ABCB5: variants seen among roughly 807,000 people sequenced by gnomAD.
The protein encoded by ABCB5 is ATP binding cassette subfamily B member 5, also known as ATP-binding cassette sub-family B member 5.
ABCB5 carries 155 observed loss-of-function variants against 144.2 expected under a neutral mutation model. The ratio of observed to expected loss-of-function variants is 1.08; its 90% CI spans 0.94 to 1.23. The LOEUF is 1.23. Ranked by LOEUF, ABCB5 falls within the 50% of genes most tolerant of loss-of-function variation. The pLI, the probability that ABCB5 is intolerant of heterozygous loss-of-function variation, is 0.00. For missense variants in ABCB5, 1,830 were observed against 1,520.8 expected (o/e 1.20, Z -3.38); for synonymous variants, 610 against 528.6 (o/e 1.15, Z -2.11).
intron 14 of ABCB5, chr7:20,666,921 C>T: frequency 1.6e-6 from 2 of 1,243,416 alleles, no homozygotes; most frequent in Non-Finnish European, 2.1e-6. Flanking sequence ...TTTTAGCAGG[C>T]TTTGGCTGCC....
At chr7:20,643,125 G>T (rs777940445) in intron 5 of ABCB5, 59 bp from the exon 6 acceptor site, 16 of 1,403,226 alleles carry the variant, frequency 1.1e-5, no homozygotes, top group Non-Finnish European at 1.6e-5. Flanking sequence ...GATTTTTTAT[G>T]TGTGTAACAA....
intron 4 of ABCB5, 75 bp downstream of exon 4, chr7:20,628,913 C>G: frequency 6.7e-7 from 1 of 1,484,756 alleles, no homozygotes; most frequent in Non-Finnish European, 9.2e-7. Context: ...GTTAAGCTAG[C>G]AAGGCAGATT....
At chr7:20,720,555 T>TA (rs1251299096) in intron 20 of ABCB5, among the ~76,000 whole-genome samples, 1 of 107,966 alleles carries the variant, frequency 9.3e-6, no homozygotes, top group Non-Finnish European at 2.0e-5. Flanking sequence ...AATTTGAATC[T>TA]AATTGTGAGG....
At chr7:20,729,954 G>A (rs776105740) in intron 23 of ABCB5, among the ~76,000 whole-genome samples, 1 of 152,152 alleles carries the variant, frequency 6.6e-6, no homozygotes. Context: ...TTGAGGAAAT[G>A]GCCAAAAGAC....
At chr7:20,697,135 T>C (rs967626405) in intron 16 of ABCB5, among the ~76,000 whole-genome samples, 1 of 152,204 alleles carries the variant, frequency 6.6e-6, no homozygotes, top group Non-Finnish European at 1.5e-5. Flanking sequence ...TTTTTGATGA[T>C]GAGCTTTAGA....
chr7:20,727,083 TAAC>T lies in ABCB5; in HGVS notation c.2672_2674del (p.Thr891del). The T allele has an allele frequency of 6.2e-7, 1 of 1,613,736 alleles. No homozygotes were observed. The highest frequency in any genetic ancestry group is 8.5e-7 in the Non-Finnish European group (1 of 1,179,792). ...GAGAATATACGTACTATAGTGTCAT[TAAC>T]AAGGGAAAAAGCCTTCGAGCAAATG... On this transcript the variant is annotated inframe_deletion, in exon 22 of 28. Transcript: ENST00000404938.
At chr7:20,619,689 C>T (rs925204739) in intron 1 of ABCB5, among the ~76,000 whole-genome samples, 9 of 152,104 alleles carry the variant, frequency 5.9e-5, no homozygotes, top group African/African-American at 2.2e-4. Context: ...TTACTTAGGT[C>T]CCATCTGCCA....
At chr7:20,726,957 G>T in intron 21 of ABCB5, 83 bp from the exon 22 acceptor site, 1 of 884,250 alleles carries the variant, frequency 1.1e-6, no homozygotes, top group East Asian at 2.7e-5. Context: ...TATGTCCCCA[G>T]TGTGAGTGAC....
At chr7:20,681,438 C>T (rs1785823729) in intron 14 of ABCB5, 67 bp from the exon 15 acceptor site, 14 of 1,548,278 alleles carry the variant, frequency 9.0e-6, no homozygotes, top group Non-Finnish European at 1.2e-5. Context: ...ACAAAGATTT[C>T]TTAAACAGTG....
intron 5 of ABCB5, among the ~76,000 whole-genome samples, chr7:20,632,331 G>A (rs1259178406): frequency 4.6e-5 from 7 of 152,064 alleles, no homozygotes; most frequent in African/African-American, 1.7e-4. Flanking sequence ...TTGAGTTGTA[G>A]TTGACAGAGT....
At position 20,693,069 on chromosome 7, in the gene ABCB5, GTCT is replaced by G. The variant is rs1326993115; in HGVS notation, c.2011-5331_2011-5329del. ...ACTTCACATATTAACAACAGAGTATGTCTTCTTCTCAAATGCACTTGAAACATT... is the reference window on the plus strand; with the variant it reads ...ACTTCACATATTAACAACAGAGTATGTCTTCTCAAATGCACTTGAAACATT... On this transcript the variant is annotated intron_variant, in intron 16 of 27. Coordinates refer to ENST00000404938, the MANE Select transcript of ABCB5 (RefSeq NM_001163941.2). Among the ~76,000 whole-genome samples the G allele has an allele frequency of 1.9e-4, 29 of 152,244 alleles. 1 individual carries two copies. The highest frequency in any genetic ancestry group is 7.0e-4 in the African/African-American group (29 of 41,546).
rs190945331 is a variant in ABCB5, at chr7:20,683,606, G to T, written c.1869+1940G>T. 3.3e-5 allele frequency among the ~76,000 whole-genome samples: 5 copies of T among 152,234 alleles called. No individual in the cohort carries two copies. In the East Asian group the frequency reaches 9.6e-4, roughly 29 times the overall value. The stretch of plus-strand genomic sequence containing the variant: ...TATAAAAAGCAAAAATGGTGTGTTT[G>T]TGGGATGAGTGTGTAAAAATTTTAA... On this transcript the variant is annotated intron_variant, in intron 15 of 27. Transcript: ENST00000404938.
intron 23 of ABCB5, among the ~76,000 whole-genome samples, chr7:20,736,908 G>A (rs758320281): frequency 9.9e-5 from 15 of 152,260 alleles, no homozygotes; most frequent in Non-Finnish European, 2.1e-4. Flanking sequence ...ACTGTCCCTA[G>A]GCCGGGCGCA....
At chr7:20,615,963 A>G (rs1280630598) in intron 1 of ABCB5, 126 bp downstream of exon 1, 4 of 152,296 alleles carry the variant, frequency 2.6e-5, no homozygotes, top group East Asian at 3.8e-4. Context: ...GTGTGTATGA[A>G]ACTTTTTCAT....
chr7:20,641,175 A>C (rs1348796406), intron 5 of ABCB5, among the ~76,000 whole-genome samples: 1 of 152,078 alleles, frequency 6.6e-6, no homozygotes, highest in Non-Finnish European at 1.5e-5. Flanking sequence ...ATGTCCTGCA[A>C]ATCTTGTCTT....
At chr7:20,644,208 C>T (rs541028100) in intron 7 of ABCB5, among the ~76,000 whole-genome samples, 22 of 151,992 alleles carry the variant, frequency 1.4e-4, no homozygotes, top group Non-Finnish European at 3.2e-4. Flanking sequence ...ATCTCAGATC[C>T]CAAGTAGCTG....
At chr7:20,681,064 CTTTCTTTCTTTCTT>C (rs1785800310) in intron 14 of ABCB5, among the ~76,000 whole-genome samples, 1 of 10,204 alleles carries the variant, frequency 9.8e-5, no homozygotes, top group Non-Finnish European at 1.5e-4. Context: ...CTCTCTCTTT[CTTTCTTTCTTTCTT>C]TCTTTCTTTC....
chr7:20,655,870 G>C (rs113597334), intron 13 of ABCB5, among the ~76,000 whole-genome samples: 333 of 152,248 alleles, frequency 2.2e-3, no homozygotes, highest in African/African-American at 7.9e-3. Context: ...TTGAAAGAAA[G>C]ACCAAAGCTG....
intron 14 of ABCB5, among the ~76,000 whole-genome samples, chr7:20,661,995 A>C (rs1001823104): frequency 6.6e-6 from 1 of 152,200 alleles, no homozygotes; most frequent in African/African-American, 2.4e-5. Context: ...GTGCCAATGC[A>C]GCAGGTTTCC....
Sources: allele counts gnomAD v4.1 joint callset (sites outside exome capture counted in the v4.1 genomes callset), GRCh38; gene constraint gnomAD v4.1.1; transcripts MANE v1.5; gene names NCBI Gene and HGNC (gene_info 2026-07-23, HGNC 2026-07-21).